The following ZNF773 variants were observed in gnomAD, a reference collection of about 807,000 sequenced individuals.
ZNF773 encodes the protein zinc finger protein 419B.
Under a neutral mutation model 12.8 loss-of-function variants are expected in ZNF773, and 11 were observed. The ratio of observed to expected loss-of-function variants is 0.86; its 90% confidence interval spans 0.54 to 1.42. ZNF773 has a LOEUF of 1.42. Among genes scored for constraint, ZNF773 ranks in the 40% most tolerant of loss-of-function variants. The probability of loss-of-function intolerance (pLI) is 0.00; values close to 1 mark genes in which losing one functional copy is unlikely to be tolerated. For missense variants in ZNF773, 518 were observed against 527.2 expected (o/e 0.98, Z 0.17); for synonymous variants, 175 against 178.4 (o/e 0.98, Z 0.15).
chr19:57,518,153 C>T (rs1437504833), exon 5 of ZNF773: 2 of 152,960 alleles, frequency 1.3e-5, no homozygotes, highest in Non-Finnish European at 2.9e-5. Context: ...AAACTGTTCT[C>T]ATGAATGCAG....
At chr19:57,509,792 T>C (rs2089781107), downstream of ZNF773, among the ~76,000 whole-genome samples, 1 of 152,214 alleles carries the variant, frequency 6.6e-6, no homozygotes. Flanking sequence ...TTCTTTGTGG[T>C]TGTAGGACTG....
Position 57,505,712 on chromosome 19 carries a change from G to GTTT in ZNF773, c.262+328_262+330dup, listed in dbSNP as rs11312618. Among the ~76,000 whole-genome samples the GTTT allele has an allele frequency of 1.3e-3, 139 of 110,852 alleles. 2 individuals carry two copies. The highest frequency in any genetic ancestry group is 1.9e-3 in the African/African-American group (58 of 30,088). 72.7% of individuals were successfully genotyped at this position (110,852 alleles called of 152,430 possible). A position where few individuals can be genotyped will look rare whatever the true frequency, so the allele number is the denominator to read the frequency against. On this transcript the variant is annotated intron_variant, in intron 3 of 3. Coordinates refer to ENST00000282292, the MANE Select transcript of ZNF773 (RefSeq NM_198542.3). ...GGACACCAACTATTTCATTCCAGTT[G>GTTT]TTTTTTTTTTTTTTTTTTGACAGAG...
downstream of ZNF773, chr19:57,515,876 T>C (rs942473694): frequency 6.6e-6 from 1 of 152,180 alleles, no homozygotes; most frequent in Non-Finnish European, 1.5e-5. Context: ...CTTATTTACT[T>C]TAAATTTTTT....
chr19:57,517,682 A>G (rs756658198), downstream of ZNF773: 12 of 152,270 alleles, frequency 7.9e-5, no homozygotes, highest in Non-Finnish European at 1.5e-4. Flanking sequence ...TTTTAACCCT[A>G]TTCATATTTG....
At position 57,507,280 on chromosome 19, in the gene ZNF773, C is replaced by G. The variant is rs376286259; in HGVS notation, c.1185C>G (p.Phe395Leu). 73 of 1,611,098 alleles carry G rather than the reference C, an allele frequency of 4.5e-5. No homozygotes were observed. Among genetic ancestry groups the G allele is most frequent in the Non-Finnish European group, 5.9e-5 (69 of 1,178,070 alleles). The change falls in exon 4 of 4, where the codon TTC becomes TTG. Residue 395 changes from phenylalanine to leucine, a missense_variant. Physicochemically the swap from Phe to Leu is conservative, Grantham distance 22 (BLOSUM62 0). Coordinates refer to ENST00000282292, the MANE Select transcript of ZNF773 (RefSeq NM_198542.3). ...KPFKCNECGR[F>L]FSENSSLVKH... Reference sequence around the variant, plus strand: ...TTAAGTGCAATGAATGTGGGAGATTCTTTAGTGAGAATTCCAGCCTTGTTA... The same window carrying G: ...TTAAGTGCAATGAATGTGGGAGATTGTTTAGTGAGAATTCCAGCCTTGTTA...
Position 57,507,286 on chromosome 19 carries a change from T to G in ZNF773, c.1191T>G (p.Ser397Arg), listed in dbSNP as rs61731282. The change falls in exon 4 of 4, where the codon AGT becomes AGG. Residue 397 changes from serine to arginine, a missense_variant. Physicochemically the swap from Ser to Arg is moderately radical, Grantham distance 110. Transcript: ENST00000282292. ...FKCNECGRFF[S>R]ENSSLVKHQR... ...GCAATGAATGTGGGAGATTCTTTAG[T>G]GAGAATTCCAGCCTTGTTAAACATC... The G allele has an allele frequency of 9.3e-6, 15 of 1,611,154 alleles. No homozygotes were observed. In the African/African-American group the frequency reaches 2.0e-4, roughly 22 times the overall value.
At position 57,506,781 on chromosome 19, in the gene ZNF773, G is replaced by A; in HGVS notation, c.686G>A (p.Ser229Asn). ...YECSECGKLF[S>N]HKSNLFIHQI... ...TGCAGTGAATGTGGGAAGTTATTTA[G>A]CCATAAGTCCAACCTTTTTATACAC... The change falls in exon 4 of 4, where the codon AGC becomes AAC. Residue 229 changes from serine (S) to asparagine (N), a missense_variant. Physicochemically the swap from Ser to Asn is conservative, Grantham distance 46. Coordinates refer to ENST00000282292, the MANE Select transcript of ZNF773 (RefSeq NM_198542.3). The A allele has an allele frequency of 6.2e-7, 1 of 1,614,252 alleles. No individual in the cohort carries two copies. Among genetic ancestry groups the A allele is most frequent in the South Asian group, 1.1e-5 (1 of 91,086 alleles).
chr19:57,507,592 C>T lies in ZNF773; in HGVS notation c.*168C>T. 1 of 1,418,020 alleles carries T rather than the reference C, an allele frequency of 7.1e-7. No homozygotes were observed. Among genetic ancestry groups the T allele is most frequent in the Non-Finnish European group, 9.1e-7 (1 of 1,093,720 alleles). The allele number at this position is 1,418,020 out of a possible 1,614,324, so 87.8% of individuals were successfully genotyped here. On this transcript the variant is annotated 3_prime_UTR_variant, in exon 4 of 4. Coordinates refer to ENST00000282292, the MANE Select transcript of ZNF773 (RefSeq NM_198542.3). ...CAATGTAGTGAATATGGTAAAAGGC[C>T]TCAGCCAAAGGCCTAACCGTATTCA...
rs757313739 is a variant in ZNF773 at position 57,506,848 on chromosome 19, C to T, written c.753C>T (p.Asp251=). The change falls in exon 4 of 4, where the codon GAC becomes GAT. Residue 251 remains aspartate, a synonymous_variant. Coordinates refer to ENST00000282292, the MANE Select transcript of ZNF773 (RefSeq NM_198542.3). ...HTGERPYGCS[D]CGKSFSRNAD... ...GAGAAAGGCCTTATGGGTGTAGTGA[C>T]TGTGGAAAATCCTTTAGCCGTAATG... 2 of 1,613,022 alleles carry T rather than the reference C, an allele frequency of 1.2e-6. No homozygotes were observed. The highest frequency in any genetic ancestry group is 4.5e-5 in the East Asian group (2 of 44,784).
chr19:57,502,945 C>A (rs1336820216), intron 1 of ZNF773, among the ~76,000 whole-genome samples: 1 of 152,176 alleles, frequency 6.6e-6, no homozygotes, highest in Non-Finnish European at 1.5e-5. Context: ...CCCGCTTTGG[C>A]CTCCCAAAGT....
downstream of ZNF773, among the ~76,000 whole-genome samples, chr19:57,512,776 G>T (rs1415969105): frequency 6.6e-6 from 1 of 152,156 alleles, no homozygotes; most frequent in Non-Finnish European, 1.5e-5. Context: ...CCCAGGTGCA[G>T]TGTTCCTTGT....
chr19:57,507,570 T>G lies in ZNF773; in HGVS notation c.*146T>G. ...ACTGGACAGTTCACAGAGTGGACAATGTAGTGAATATGGTAAAAGGCCTCA... is the reference window on the plus strand; with the variant it reads ...ACTGGACAGTTCACAGAGTGGACAAGGTAGTGAATATGGTAAAAGGCCTCA... On this transcript the variant is annotated 3_prime_UTR_variant, in exon 4 of 4. Transcript: ENST00000282292. 7.0e-7 allele frequency: 1 copy of G among 1,437,554 alleles called. No individual in the cohort carries two copies. Among genetic ancestry groups the G allele is most frequent in the Non-Finnish European group, 9.1e-7 (1 of 1,102,524 alleles). 89.0% of individuals were successfully genotyped at this position (1,437,554 alleles called of 1,614,324 possible). A position where few individuals can be genotyped will look rare whatever the true frequency, so the allele number is the denominator to read the frequency against.
rs540774743 is a variant in ZNF773 at position 57,507,610 on chromosome 19, C to A, written c.*186C>A. 5 of 1,401,274 alleles carry A rather than the reference C, an allele frequency of 3.6e-6. No homozygotes were observed. The highest frequency in any genetic ancestry group is 1.4e-5 in the African/African-American group (1 of 69,256). 86.8% of individuals were successfully genotyped at this position (1,401,274 alleles called of 1,614,324 possible). On this transcript the variant is annotated 3_prime_UTR_variant, in exon 4 of 4. Transcript: ENST00000282292. ...AAAAGGCCTCAGCCAAAGGCCTAAC[C>A]GTATTCAACACCAGAAAGTTTAGAC...
downstream of ZNF773, chr19:57,508,317 G>T (rs1348958915): frequency 1.1e-5 from 9 of 796,158 alleles, no homozygotes; most frequent in Non-Finnish European, 1.4e-5. Flanking sequence ...GAGAGAGGGA[G>T]CCCTGTATTG....
chr19:57,505,956 G>A (rs998651966), intron 3 of ZNF773, among the ~76,000 whole-genome samples: 15 of 152,028 alleles, frequency 9.9e-5, no homozygotes, highest in Non-Finnish European at 1.8e-4. Flanking sequence ...TGATCTGCCC[G>A]CCTTGGCCTC....
At chr19:57,509,203 C>G (rs1360783281), downstream of ZNF773, among the ~76,000 whole-genome samples, 1 of 152,152 alleles carries the variant, frequency 6.6e-6, no homozygotes, top group Non-Finnish European at 1.5e-5. Flanking sequence ...ATTTGGTGTT[C>G]TATTCTCTTA....
downstream of ZNF773, among the ~76,000 whole-genome samples, chr19:57,511,260 C>T (rs1235726214): frequency 1.3e-5 from 2 of 151,966 alleles, no homozygotes; most frequent in Non-Finnish European, 2.9e-5. Flanking sequence ...ACCATGTTAG[C>T]CAAGATGGTC....
chr19:57,507,230 A>G lies in ZNF773; in HGVS notation c.1135A>G (p.Lys379Glu), dbSNP rs2089750128. The change falls in exon 4 of 4, where the codon AAA becomes GAA. Residue 379 changes from lysine (K) to glutamate (E), a missense_variant. By Grantham distance (56) the Lys-to-Glu change is moderately conservative. Coordinates refer to ENST00000282292, the MANE Select transcript of ZNF773 (RefSeq NM_198542.3). ...SQSSSLMQHR[K>E]VHTGEKPFKC... ...AAGCTCAAGCCTCATGCAACATCGA[A>G]AAGTTCACACTGGAGAAAAACCTTT... 1 of 1,611,210 alleles carries G rather than the reference A, an allele frequency of 6.2e-7. No homozygotes were observed.
At chr19:57,512,873 A>T, downstream of ZNF773, 2 of 774,714 alleles carry the variant, frequency 2.6e-6, no homozygotes, top group Non-Finnish European at 1.9e-6. Context: ...ACCAACTGTT[A>T]CGTCTTCCTC....
Sources: allele counts gnomAD v4.1 joint callset (sites outside exome capture counted in the v4.1 genomes callset), GRCh38; gene constraint gnomAD v4.1.1; transcripts MANE v1.5; gene names NCBI Gene and HGNC (gene_info 2026-07-23, HGNC 2026-07-21).